Variants in GALNTL6 observed in about 807,000 individuals in gnomAD.
The protein encoded by GALNTL6 is polypeptide N-acetylgalactosaminyltransferase like 6, also known as polypeptide N-acetylgalactosaminyltransferase-like 6.
A neutral mutation model predicts 73.7 loss-of-function variants in GALNTL6; 46 were observed. The ratio of observed to expected loss-of-function variants is 0.62; its 90% CI spans 0.49 to 0.80. The LOEUF is 0.80. Ranked by LOEUF, GALNTL6 falls within the 30% of genes least tolerant of loss-of-function variation. The pLI is 0.00. For synonymous variants in GALNTL6, 259 were observed against 263.7 expected, an observed-to-expected ratio of 0.98 and a Z score of 0.17; for missense variants, 604 against 755.0, an observed-to-expected ratio of 0.80 and a Z score of 2.34.
At chr4:172,383,745 C>T (rs7690422) in intron 5 of GALNTL6, among the ~76,000 whole-genome samples, 145,624 of 152,154 alleles carry the variant, frequency 0.96, 69,967 homozygotes, top group Non-Finnish European at 1. Flanking sequence ...TAGGAAGTTC[C>T]CTTCTATTTG....
At chr4:171,968,840 G>GT (rs148589031) in intron 2 of GALNTL6, among the ~76,000 whole-genome samples, 55,715 of 140,186 alleles carry the variant, frequency 0.4, 12,729 homozygotes, top group Non-Finnish European at 0.53. Flanking sequence ...TTTGTGCGGG[G>GT]TGGGGGGGGG....
chr4:172,016,204 C>G (rs1296845983), intron 2 of GALNTL6, among the ~76,000 whole-genome samples: 1 of 151,820 alleles, frequency 6.6e-6, no homozygotes, highest in African/African-American at 2.4e-5. Context: ...ACCAATTATT[C>G]TTAGGTTTGG....
intron 2 of GALNTL6, among the ~76,000 whole-genome samples, chr4:171,912,928 G>GTT (rs1737516575): frequency 6.6e-6 from 1 of 152,022 alleles, no homozygotes; most frequent in African/African-American, 2.4e-5. Context: ...AATGTACCAC[G>GTT]TTTCCTTTAC....
At chr4:172,792,731 T>G (rs1740066282) in intron 5 of GALNTL6, among the ~76,000 whole-genome samples, 1 of 151,740 alleles carries the variant, frequency 6.6e-6, no homozygotes, top group African/African-American at 2.4e-5. Context: ...TTTTATTGCT[T>G]GGCTGAGTGT....
intron 2 of GALNTL6, among the ~76,000 whole-genome samples, chr4:171,918,260 G>T (rs1737683442): frequency 1.3e-5 from 2 of 151,980 alleles, no homozygotes; most frequent in South Asian, 2.1e-4. Flanking sequence ...AAAAATGTAG[G>T]TGCGTTAAGA....
chr4:172,378,475 G>A (rs1743135281), intron 5 of GALNTL6, among the ~76,000 whole-genome samples: 2 of 152,096 alleles, frequency 1.3e-5, no homozygotes, highest in Admixed American at 6.6e-5. Flanking sequence ...CACTAATTGT[G>A]TATTTATCTT....
At chr4:172,994,573 T>A (rs1381503396) in intron 10 of GALNTL6, among the ~76,000 whole-genome samples, 1 of 152,216 alleles carries the variant, frequency 6.6e-6, no homozygotes, top group East Asian at 1.9e-4. Context: ...AATTTGACAT[T>A]TTCACCTTTG....
chr4:172,082,290 A>T (rs977371042), intron 2 of GALNTL6, among the ~76,000 whole-genome samples: 4 of 152,260 alleles, frequency 2.6e-5, no homozygotes. Flanking sequence ...TCTGTTGTAC[A>T]AATGAATAAC....
chr4:172,264,586 ATAT>A (rs1200889703), intron 3 of GALNTL6, among the ~76,000 whole-genome samples: 99 of 90,866 alleles, frequency 1.1e-3, no homozygotes, highest in African/African-American at 4.0e-3. Context: ...ATATATATAT[ATAT>A]ATATTTGGCA....
chr4:172,880,095 G>A (rs1247729445), intron 7 of GALNTL6, among the ~76,000 whole-genome samples: 1 of 151,990 alleles, frequency 6.6e-6, no homozygotes, highest in Non-Finnish European at 1.5e-5. Context: ...AAACAGTTTG[G>A]CAGTTTATTG....
chr4:171,929,633 G>T (rs1175489327), intron 2 of GALNTL6, among the ~76,000 whole-genome samples: 1 of 152,214 alleles, frequency 6.6e-6, no homozygotes, highest in Admixed American at 6.5e-5. Context: ...CTCGCTCCTG[G>T]CTTGGCAGCC....
At position 172,885,861 on chromosome 4, in the gene GALNTL6, T is replaced by C. The variant is rs149246969; in HGVS notation, c.1041+2954T>C. Among the ~76,000 whole-genome samples, 21 of 152,334 alleles carry C rather than the reference T, an allele frequency of 1.4e-4. No homozygotes were observed. The South Asian group carries it at 3.7e-3, about 27-fold the overall frequency. On this transcript the variant is annotated intron_variant, in intron 8 of 12. Transcript: ENST00000506823. ...CTCTTGTTGTGATATATCACACTTATTGATTTGTATACGTTGAACCATCTT... is the reference window on the plus strand; with the variant it reads ...CTCTTGTTGTGATATATCACACTTACTGATTTGTATACGTTGAACCATCTT...
intron 5 of GALNTL6, among the ~76,000 whole-genome samples, chr4:172,561,170 G>A (rs1032189959): frequency 1.3e-5 from 2 of 148,198 alleles, no homozygotes; most frequent in African/African-American, 2.5e-5. Context: ...GGAGAATGGC[G>A]TGAACCCGGG....
chr4:172,747,901 G>C (rs1737201368), intron 5 of GALNTL6, among the ~76,000 whole-genome samples: 1 of 147,456 alleles, frequency 6.8e-6, no homozygotes, highest in African/African-American at 2.5e-5. Flanking sequence ...GAACCCAGAA[G>C]ACATTATGTT....
chr4:172,225,353 T>G (rs1254435183), intron 2 of GALNTL6, among the ~76,000 whole-genome samples: 1 of 151,938 alleles, frequency 6.6e-6, no homozygotes. Flanking sequence ...ATATTGGTCA[T>G]CAGCCCTCAA....
chr4:172,817,154 A>G (rs995720468), intron 7 of GALNTL6, among the ~76,000 whole-genome samples: 1 of 151,714 alleles, frequency 6.6e-6, no homozygotes, highest in African/African-American at 2.4e-5. Flanking sequence ...GGCCAGGAAC[A>G]GTCACTCACA....
intron 5 of GALNTL6, among the ~76,000 whole-genome samples, chr4:172,647,023 T>C (rs1740272675): frequency 6.6e-6 from 1 of 152,050 alleles, no homozygotes; most frequent in African/African-American, 2.4e-5. Flanking sequence ...AACATAATTA[T>C]ATGTAAAGAT....
chr4:172,020,252 G>T (rs1741352152), intron 2 of GALNTL6, among the ~76,000 whole-genome samples: 2 of 151,502 alleles, frequency 1.3e-5, no homozygotes, highest in African/African-American at 4.8e-5. Context: ...GCATCTTAAA[G>T]AACTAGAAAG....
intron 2 of GALNTL6, among the ~76,000 whole-genome samples, chr4:171,986,266 A>C (rs1740080337): frequency 1.3e-5 from 2 of 150,400 alleles, no homozygotes; most frequent in African/African-American, 2.4e-5. Flanking sequence ...AAGGAAAATT[A>C]CAGTCAAAGG....
Sources: allele counts gnomAD v4.1 joint callset (sites outside exome capture counted in the v4.1 genomes callset), GRCh38; gene constraint gnomAD v4.1.1; transcripts MANE v1.5; gene names NCBI Gene and HGNC (gene_info 2026-07-23, HGNC 2026-07-21).